DIP2C: variants seen among roughly 807,000 people sequenced by gnomAD.
DIP2C encodes DIP2 acetate--CoA ligase C (putative).
DIP2C carries 33 observed loss-of-function variants against 192.4 expected under a neutral mutation model. The observed-to-expected ratio is 0.17, with a 90% CI of 0.13 to 0.23. The LOEUF is 0.23. Among genes scored for constraint, DIP2C ranks in the 10% least tolerant of loss-of-function variants. The pLI, the probability that DIP2C is intolerant of heterozygous loss-of-function variation, is 1.00. For missense variants in DIP2C, 1,537 were observed against 2,110.1 expected, an observed-to-expected ratio of 0.73 and a Z score of 5.32; for synonymous variants, 979 against 864.1, an observed-to-expected ratio of 1.13 and a Z score of -2.33.
chr10:627,238 G>A (rs1320915220), intron 1 of DIP2C, among the ~76,000 whole-genome samples: 1 of 152,190 alleles, frequency 6.6e-6, no homozygotes, highest in Non-Finnish European at 1.5e-5. Context: ...CCCTCCAGGC[G>A]TCATGCCCCG....
chr10:427,631 G>C (rs555465216), intron 4 of DIP2C, among the ~76,000 whole-genome samples: 1 of 152,162 alleles, frequency 6.6e-6, no homozygotes, highest in South Asian at 2.1e-4. Flanking sequence ...CTATGAATAG[G>C]AATTAGCACA....
chr10:430,131 A>G (rs1358277081), intron 4 of DIP2C: 1 of 152,194 alleles, frequency 6.6e-6, no homozygotes, highest in Non-Finnish European at 1.5e-5. Context: ...GCATTTCTCT[A>G]TGACATATGA....
Position 283,430 on chromosome 10 carries a change from G to A in DIP2C, c.4136C>T (p.Ala1379Val). ...AGTGAAATAACCGCTGGCATTGTGG[G>A]CACTGTGAACCCAAATCTGCAAACG... ...SHLGEIWVHS[A>V]HNASGYFTIY... Residue 1379 changes from alanine (A) to valine (V), a missense_variant, in exon 35 of 37, where the codon GCC (alanine) becomes GTC (valine). Transcript: ENST00000280886. The A allele has an allele frequency of 6.2e-7, 1 of 1,614,120 alleles. No homozygotes were observed. The highest frequency in any genetic ancestry group is 1.1e-5 in the South Asian group (1 of 91,058).
rs919179257 is a variant in DIP2C at position 623,145 on chromosome 10, G to T, written c.85+66349C>A. On this transcript the variant is annotated intron_variant, in intron 1 of 36. Coordinates refer to ENST00000280886, the MANE Select transcript of DIP2C (RefSeq NM_014974.3). ...AGGTGGCTGCACGGAGCACGCGTGTGAAGATTCAGGAGCACGAGCATCAGG... is the reference window on the plus strand; with the variant it reads ...AGGTGGCTGCACGGAGCACGCGTGTTAAGATTCAGGAGCACGAGCATCAGG... 3.3e-5 allele frequency among the ~76,000 whole-genome samples: 5 copies of T among 152,160 alleles called. No homozygotes were observed. The East Asian group carries it at 9.7e-4, about 30-fold the overall frequency.
Position 454,901 on chromosome 10 carries a change from T to G in DIP2C, c.269-13905A>C, listed in dbSNP as rs140873592. Among the ~76,000 whole-genome samples the G allele has an allele frequency of 6.6e-3, 1,010 of 152,302 alleles. 15 individuals are homozygous for G. The highest frequency in any genetic ancestry group is 0.022 in the African/African-American group (929 of 41,562). On this transcript the variant is annotated intron_variant, in intron 3 of 36. Transcript: ENST00000280886. The stretch of plus-strand genomic sequence containing the variant: ...TACTAGTATTCTAGATTACTATGTA[T>G]ATCCACAGCTTTAAATCTTTAGAAA...
chr10:672,663 G>A (rs1183488772), intron 1 of DIP2C, among the ~76,000 whole-genome samples: 9 of 152,226 alleles, frequency 5.9e-5, no homozygotes. Context: ...GAGTGATGGC[G>A]AAGCTTCAAG....
intron 32 of DIP2C, among the ~76,000 whole-genome samples, chr10:295,620 G>A (rs867364092): frequency 6.3e-4 from 67 of 107,098 alleles, no homozygotes; most frequent in African/African-American, 2.4e-3. Flanking sequence ...AAAAAAAAAA[G>A]AAGGCTATTA....
intron 1 of DIP2C, among the ~76,000 whole-genome samples, chr10:513,294 A>G (rs1219384269): frequency 6.6e-6 from 1 of 152,258 alleles, no homozygotes; most frequent in Non-Finnish European, 1.5e-5. Context: ...AAAAGTTACT[A>G]CAATAACTTA....
intron 6 of DIP2C, among the ~76,000 whole-genome samples, chr10:418,358 C>T (rs563000150): frequency 5.3e-5 from 8 of 152,176 alleles, no homozygotes; most frequent in South Asian, 4.2e-4. Flanking sequence ...CCTCCCTGTC[C>T]GCCTGTGAGT....
At chr10:470,808 GC>G (rs1330818941) in intron 3 of DIP2C, among the ~76,000 whole-genome samples, 1 of 152,208 alleles carries the variant, frequency 6.6e-6, no homozygotes, top group Non-Finnish European at 1.5e-5. Flanking sequence ...CCATTGGACA[GC>G]CTCCCTGAAC....
intron 1 of DIP2C, among the ~76,000 whole-genome samples, chr10:619,221 G>A (rs191261243): frequency 2.8e-4 from 42 of 152,262 alleles, no homozygotes; most frequent in Non-Finnish European, 4.6e-4. Context: ...GTGCACCTTC[G>A]TGGGCTAGTT....
intron 1 of DIP2C, among the ~76,000 whole-genome samples, chr10:595,886 G>C (rs1425864622): frequency 6.6e-6 from 1 of 152,248 alleles, no homozygotes; most frequent in East Asian, 1.9e-4. Flanking sequence ...CATCGTTCTT[G>C]ATAAAGGGAT....
chr10:393,778 CAAAAAAA>C (rs34390976), intron 10 of DIP2C, among the ~76,000 whole-genome samples: 2 of 66,734 alleles, frequency 3.0e-5, no homozygotes, highest in Non-Finnish European at 5.3e-5. Context: ...GACTCCGTCT[CAAAAAAA>C]AAAAAAAAAA....
intron 1 of DIP2C, among the ~76,000 whole-genome samples, chr10:603,485 C>G (rs945390752): frequency 1.3e-5 from 2 of 152,044 alleles, no homozygotes; most frequent in African/African-American, 4.8e-5. Context: ...AAAGACCACT[C>G]CCCCAGGAGC....
intron 1 of DIP2C, among the ~76,000 whole-genome samples, chr10:670,141 C>T (rs1029602734): frequency 7.9e-5 from 12 of 152,062 alleles, no homozygotes; most frequent in Non-Finnish European, 5.9e-5. Context: ...CACGCATACA[C>T]GTGTACACAT....
chr10:640,304 T>A lies in DIP2C; in HGVS notation c.85+49190A>T, dbSNP rs148966784. Reference sequence around the variant, plus strand: ...CTTTGTCCCCAGAGGTGCCCTTCGATGGGGTCACACGGCAGATGGCCAAGT... The same window carrying A: ...CTTTGTCCCCAGAGGTGCCCTTCGAAGGGGTCACACGGCAGATGGCCAAGT... On this transcript the variant is annotated intron_variant, in intron 1 of 36. Transcript: ENST00000280886. Among the ~76,000 whole-genome samples, 486 of 152,274 alleles carry A rather than the reference T, an allele frequency of 3.2e-3. 2 individuals carry two copies. The highest frequency in any genetic ancestry group is 0.011 in the African/African-American group (440 of 41,562).
chr10:667,205 C>T (rs1387988429), intron 1 of DIP2C: 1 of 152,126 alleles, frequency 6.6e-6, no homozygotes, highest in African/African-American at 2.4e-5. Context: ...AATACAAAAA[C>T]TAGCCAGACG....
chr10:311,991 A>C (rs1015264311), intron 31 of DIP2C, among the ~76,000 whole-genome samples: 1 of 152,152 alleles, frequency 6.6e-6, no homozygotes, highest in Non-Finnish European at 1.5e-5. Flanking sequence ...TTCTGATTCC[A>C]GGAACAAAGG....
chr10:326,962 G>A (rs1957299035), intron 31 of DIP2C, 44 bp downstream of exon 31: 1 of 1,581,190 alleles, frequency 6.3e-7, no homozygotes, highest in Non-Finnish European at 8.6e-7. Flanking sequence ...CCCACCCCGG[G>A]AGCCACACTT....
Sources: allele counts gnomAD v4.1 joint callset (sites outside exome capture counted in the v4.1 genomes callset), GRCh38; gene constraint gnomAD v4.1.1; transcripts MANE v1.5; gene names NCBI Gene and HGNC (gene_info 2026-07-23, HGNC 2026-07-21).